JAM3: variants seen among roughly 807,000 people sequenced by gnomAD.
JAM3 encodes the protein junctional adhesion molecule C.
A neutral mutation model predicts 39.4 loss-of-function variants in JAM3; 31 were observed. The ratio of observed to expected loss-of-function variants is 0.79; its 90% CI spans 0.59 to 1.06. The LOEUF (loss-of-function observed/expected upper bound fraction) is 1.06. JAM3 is among the 50% of genes least tolerant of loss of function. The pLI, the probability that JAM3 is intolerant of heterozygous loss-of-function variation, is 0.00. For missense variants in JAM3, 455 were observed against 391.4 expected, an observed-to-expected ratio of 1.16 and a Z score of -1.37; for synonymous variants, 182 against 148.7, an observed-to-expected ratio of 1.22 and a Z score of -1.63.
At chr11:134,086,743 A>G (rs891456856) in intron 1 of JAM3, among the ~76,000 whole-genome samples, 2 of 152,296 alleles carry the variant, frequency 1.3e-5, no homozygotes, top group Admixed American at 6.5e-5. Flanking sequence ...TCCATGTTCC[A>G]TAGGCTGTTT....
At chr11:134,084,236 T>G (rs1025636010) in intron 1 of JAM3, among the ~76,000 whole-genome samples, 1 of 152,238 alleles carries the variant, frequency 6.6e-6, no homozygotes, top group Non-Finnish European at 1.5e-5. Context: ...AACATCCAGC[T>G]TCATATACCT....
At chr11:134,122,605 G>A (rs905989705) in intron 1 of JAM3, among the ~76,000 whole-genome samples, 2 of 152,080 alleles carry the variant, frequency 1.3e-5, no homozygotes, top group African/African-American at 4.8e-5. Flanking sequence ...TACTCACTAG[G>A]CATCATCGCT....
At chr11:134,121,571 T>C (rs1942532726) in intron 1 of JAM3, among the ~76,000 whole-genome samples, 1 of 152,138 alleles carries the variant, frequency 6.6e-6, no homozygotes. Context: ...CAAATCATTC[T>C]GACATCTCTC....
intron 5 of JAM3, 58 bp from the exon 6 acceptor site, chr11:134,145,888 C>A: frequency 8.7e-7 from 1 of 1,144,310 alleles, no homozygotes; most frequent in Non-Finnish European, 1.3e-6. Flanking sequence ...GCTGGCTGTG[C>A]TCTCAGAAAT....
intron 1 of JAM3, among the ~76,000 whole-genome samples, chr11:134,112,240 C>T (rs1264408797): frequency 1.3e-5 from 2 of 152,116 alleles, no homozygotes; most frequent in African/African-American, 4.8e-5. Flanking sequence ...GGATGCACCA[C>T]CACGCCCAGC....
chr11:134,087,297 CAAAT>C (rs1465175407), intron 1 of JAM3, among the ~76,000 whole-genome samples: 17 of 152,148 alleles, frequency 1.1e-4, no homozygotes, highest in African/African-American at 4.1e-4. Context: ...TGTAAATCAA[CAAAT>C]AAAGTATTTC....
intron 1 of JAM3, among the ~76,000 whole-genome samples, chr11:134,085,612 C>A (rs554739455): frequency 6.6e-6 from 1 of 152,242 alleles, no homozygotes; most frequent in South Asian, 2.1e-4. Flanking sequence ...TATGACTACC[C>A]CAGTCATAGT....
At chr11:134,114,770 G>A (rs1942389160) in intron 1 of JAM3, among the ~76,000 whole-genome samples, 1 of 152,118 alleles carries the variant, frequency 6.6e-6, no homozygotes, top group Non-Finnish European at 1.5e-5. Flanking sequence ...TCGGAATATG[G>A]TCTACCTTGG....
intron 1 of JAM3, among the ~76,000 whole-genome samples, chr11:134,088,435 C>T (rs1351180686): frequency 2.0e-5 from 3 of 151,372 alleles, no homozygotes; most frequent in Non-Finnish European, 2.9e-5. Context: ...TTAGGTTTGG[C>T]TTCATTGTAT....
intron 8 of JAM3, 117 bp downstream of exon 8, chr11:134,148,935 C>G (rs1943131585): frequency 2.9e-6 from 3 of 1,034,362 alleles, no homozygotes; most frequent in Non-Finnish European, 4.4e-6. Context: ...AGCTCCTGAG[C>G]TCCTCAGCCC....
In JAM3 at chr11:134,144,100, T is replaced by C; in HGVS notation, c.257-141T>C. 7.5e-6 allele frequency: 6 copies of C among 804,904 alleles called. No individual in the cohort carries two copies. The South Asian group carries it at 8.9e-5, about 12-fold the overall frequency. The allele number at this position is 804,904 out of a possible 1,614,324, so 49.9% of individuals were successfully genotyped here. A position where few individuals can be genotyped will look rare whatever the true frequency, so the allele number is the denominator to read the frequency against. ...GGTTCCTGTCCTCAAGAGAGTTCACTTCTGTACTCGGGAATAGAAATAAAT... is the reference window on the plus strand; with the variant it reads ...GGTTCCTGTCCTCAAGAGAGTTCACCTCTGTACTCGGGAATAGAAATAAAT... On this transcript the variant is annotated intron_variant, in intron 3 of 8. Coordinates refer to ENST00000299106, the MANE Select transcript of JAM3 (RefSeq NM_032801.5).
At chr11:134,076,161 T>TTC (rs1941566517) in intron 1 of JAM3, among the ~76,000 whole-genome samples, 1 of 147,034 alleles carries the variant, frequency 6.8e-6, no homozygotes, top group African/African-American at 2.5e-5. Context: ...CTTTTTTTTT[T>TTC]TTTTTTTTTT....
At chr11:134,134,441 T>A (rs2120830618) in intron 1 of JAM3, among the ~76,000 whole-genome samples, 1 of 114,096 alleles carries the variant, frequency 8.8e-6, no homozygotes, top group South Asian at 3.0e-4. Flanking sequence ...CATATCATAA[T>A]CACACTGCAG....
intron 1 of JAM3, among the ~76,000 whole-genome samples, chr11:134,103,358 G>A (rs1338221809): frequency 6.6e-6 from 1 of 152,104 alleles, no homozygotes; most frequent in Non-Finnish European, 1.5e-5. Flanking sequence ...AGCTCCTGAA[G>A]GAAGCACTAA....
chr11:134,088,530 T>C (rs1417883098), intron 1 of JAM3, among the ~76,000 whole-genome samples: 2 of 152,328 alleles, frequency 1.3e-5, no homozygotes, highest in East Asian at 1.9e-4. Context: ...CTATTTTACA[T>C]GTACATCCTT....
chr11:134,110,191 A>T lies in JAM3; in HGVS notation c.77-29660A>T, dbSNP rs1475320148. Among the ~76,000 whole-genome samples, 4 of 152,200 alleles carry T rather than the reference A, an allele frequency of 2.6e-5. No homozygotes were observed. The South Asian group carries it at 8.3e-4, about 31-fold the overall frequency. On this transcript the variant is annotated intron_variant, in intron 1 of 8. Coordinates refer to ENST00000299106, the MANE Select transcript of JAM3 (RefSeq NM_032801.5). ...CCTAGTGTTGGTGAGGGTATCAAAA[A>T]CAAGATTTCCCATCCATTGCAGGTG... is the stretch of plus-strand genomic sequence containing the variant.
chr11:134,096,237 G>A (rs760829876), intron 1 of JAM3, among the ~76,000 whole-genome samples: 24 of 152,092 alleles, frequency 1.6e-4, no homozygotes, highest in Non-Finnish European at 3.1e-4. Context: ...CCTCGGCCTG[G>A]GATTACAGGC....
At chr11:134,148,915 GTGAT>G (rs1943131296) in intron 8 of JAM3, 97 bp downstream of exon 8, 14 of 1,291,062 alleles carry the variant, frequency 1.1e-5, no homozygotes, top group Middle Eastern at 1.9e-4. Flanking sequence ...AGATTTCTGA[GTGAT>G]TGTGCAGCTC....
intron 1 of JAM3, among the ~76,000 whole-genome samples, chr11:134,129,779 A>T (rs1484666631): frequency 6.6e-6 from 1 of 152,202 alleles, no homozygotes; most frequent in Non-Finnish European, 1.5e-5. Context: ...AGGTGGGCAG[A>T]TTGCTTGAGC....
Sources: gnomAD v4.1 joint callset for allele counts (sites outside exome capture counted in the v4.1 genomes callset) on GRCh38, gnomAD v4.1.1 for gene constraint, MANE v1.5 for transcripts, NCBI Gene and HGNC (gene_info 2026-07-23, HGNC 2026-07-21) for gene names.